Variants in ABHD12 observed in about 807,000 individuals in gnomAD.
The protein encoded by ABHD12 is lysophosphatidylserine lipase ABHD12.
In ABHD12, 43 loss-of-function variants were observed where a neutral mutation model predicts 58.3. The observed-to-expected ratio is 0.74, with a 90% CI of 0.58 to 0.95. The LOEUF is 0.95. Ranked by LOEUF, ABHD12 falls within the 40% of genes least tolerant of loss-of-function variation. The pLI, the probability that ABHD12 is intolerant of heterozygous loss-of-function variation, is 0.00. For missense variants in ABHD12, 539 were observed against 537.2 expected (o/e 1.00, Z -0.03); for synonymous variants, 219 against 211.2 (o/e 1.04, Z -0.32).
intron 1 of ABHD12, among the ~76,000 whole-genome samples, chr20:25,354,248 A>T (rs1198911912): frequency 6.6e-6 from 1 of 152,190 alleles, no homozygotes; most frequent in African/African-American, 2.4e-5. Flanking sequence ...TCTGGCCTGA[A>T]GGGCTGTTCC....
intron 2 of ABHD12, among the ~76,000 whole-genome samples, chr20:25,329,523 T>C (rs1449764049): frequency 1.3e-5 from 2 of 152,254 alleles, no homozygotes; most frequent in African/African-American, 2.4e-5. Context: ...GAATGGATCC[T>C]GCACACATGG....
At chr20:25,332,039 G>A (rs534255145) in intron 2 of ABHD12, among the ~76,000 whole-genome samples, 30 of 152,158 alleles carry the variant, frequency 2.0e-4, no homozygotes, top group Non-Finnish European at 4.1e-4. Flanking sequence ...AGACCCATCA[G>A]TGTGCTGTAT....
At chr20:25,298,393 G>A (rs900488876), downstream of ABHD12, among the ~76,000 whole-genome samples, 3 of 152,058 alleles carry the variant, frequency 2.0e-5, no homozygotes, top group South Asian at 4.2e-4. Flanking sequence ...AGCCTCCCGA[G>A]TAGCTGGCAT....
rs2088616858 is a variant in ABHD12, at chr20:25,300,583, C to T, written c.*262G>A. 5.6e-6 allele frequency: 8 copies of T among 1,428,242 alleles called. No homozygotes were observed. The highest frequency in any genetic ancestry group is 7.3e-6 in the Non-Finnish European group (8 of 1,095,332). The allele number at this position is 1,428,242 out of a possible 1,614,324, so 88.5% of individuals were successfully genotyped here. A position where few individuals can be genotyped will look rare whatever the true frequency, so the allele number is the denominator to read the frequency against. ...ATGGCTGCCTGCTGCCATTAAGTCT[C>T]CCAACAAGATCTCAGGTTGAGGGGC... On this transcript the variant is annotated 3_prime_UTR_variant, in exon 13 of 13. Coordinates refer to ENST00000339157, the MANE Select transcript of ABHD12 (RefSeq NM_001042472.3).
chr20:25,306,363 C>T (rs2088741382), intron 10 of ABHD12, among the ~76,000 whole-genome samples: 1 of 152,064 alleles, frequency 6.6e-6, no homozygotes, highest in African/African-American at 2.4e-5. Flanking sequence ...TCTTTACTTG[C>T]CCCCTGGCCC....
chr20:25,336,184 G>T (rs974745129), intron 2 of ABHD12, among the ~76,000 whole-genome samples: 2 of 152,044 alleles, frequency 1.3e-5, no homozygotes, highest in Non-Finnish European at 2.9e-5. Context: ...GTATTGAAAA[G>T]CACATATATT....
In ABHD12 at chr20:25,304,116, C is replaced by T. The variant is rs568786379; in HGVS notation, c.951-488G>A. Reference sequence around the variant, plus strand: ...GCAAACCACATAACAGAAGCATGGGCTGCCAGGACCGGCGGAGCCTGGGCT... The same window carrying T: ...GCAAACCACATAACAGAAGCATGGGTTGCCAGGACCGGCGGAGCCTGGGCT... On this transcript the variant is annotated intron_variant, in intron 10 of 12. Coordinates refer to ENST00000339157, the MANE Select transcript of ABHD12 (RefSeq NM_001042472.3). Among the ~76,000 whole-genome samples the T allele has an allele frequency of 1.5e-4, 23 of 152,374 alleles. 1 individual carries two copies. In the East Asian group the frequency reaches 4.2e-3, roughly 28 times the overall value.
intron 1 of ABHD12, among the ~76,000 whole-genome samples, chr20:25,362,396 G>A (rs2089761536): frequency 6.6e-6 from 1 of 151,278 alleles, no homozygotes; most frequent in African/African-American, 2.4e-5. Context: ...GTGAAACCCC[G>A]TGTCTACTAA....
At chr20:25,299,299 G>A (rs992750318), downstream of ABHD12, among the ~76,000 whole-genome samples, 1 of 152,132 alleles carries the variant, frequency 6.6e-6, no homozygotes, top group African/African-American at 2.4e-5. Flanking sequence ...TGGGAGGCAG[G>A]CTGAGGTGGG....
intron 1 of ABHD12, among the ~76,000 whole-genome samples, chr20:25,366,206 G>A (rs962655659): frequency 6.6e-6 from 1 of 150,646 alleles, no homozygotes; most frequent in African/African-American, 2.4e-5. Context: ...GCAAATATTT[G>A]TATTTTGTCA....
intron 3 of ABHD12, among the ~76,000 whole-genome samples, chr20:25,321,439 T>C (rs2145973776): frequency 6.6e-6 from 1 of 152,340 alleles, no homozygotes; most frequent in South Asian, 2.1e-4. Context: ...GATGAAGCGA[T>C]GGTGGGGGCA....
intron 10 of ABHD12, among the ~76,000 whole-genome samples, chr20:25,304,114 G>A (rs1425805938): frequency 2.0e-5 from 3 of 152,232 alleles, no homozygotes; most frequent in Non-Finnish European, 4.4e-5. Context: ...CAGAAGCATG[G>A]GCTGCCAGGA....
chr20:25,364,535 A>G (rs928371198), intron 1 of ABHD12, among the ~76,000 whole-genome samples: 117 of 152,170 alleles, frequency 7.7e-4, no homozygotes, highest in Non-Finnish European at 6.0e-4. Context: ...GGACCCAGCC[A>G]TTCATAAGGA....
chr20:25,386,914 G>A (rs1462834881), intron 1 of ABHD12, among the ~76,000 whole-genome samples: 1 of 151,992 alleles, frequency 6.6e-6, no homozygotes. Flanking sequence ...TGAATAAATA[G>A]AATCTGGCTA....
chr20:25,374,803 A>C (rs894853164), intron 1 of ABHD12, among the ~76,000 whole-genome samples: 5 of 152,152 alleles, frequency 3.3e-5, no homozygotes, highest in African/African-American at 1.2e-4. Context: ...CCCAGCCTAC[A>C]GTGTTTTAAT....
chr20:25,300,724 G>A lies in ABHD12; in HGVS notation c.*121C>T, dbSNP rs1355721956. 3 of 1,574,524 alleles carry A rather than the reference G, an allele frequency of 1.9e-6. No homozygotes were observed. The highest frequency in any genetic ancestry group is 1.4e-5 in the African/African-American group (1 of 73,872). On this transcript the variant is annotated 3_prime_UTR_variant, in exon 13 of 13. Coordinates refer to ENST00000339157, the MANE Select transcript of ABHD12 (RefSeq NM_001042472.3). ...CTGGGATCTGAGGTGCTCTCCAGGT[G>A]CGAGCTGGGCTCCTGAGCATTGCAG...
Position 25,368,713 on chromosome 20 carries a change from C to T in ABHD12, c.191+21800G>A, listed in dbSNP as rs919522387. On this transcript the variant is annotated intron_variant, in intron 1 of 12. Coordinates refer to ENST00000339157, the MANE Select transcript of ABHD12 (RefSeq NM_001042472.3). ...GTCTGCAAACAGGTTGAAGGAGACG[C>T]GGCCCAAGGGCTTGCCTTCGTCAGC... 8.5e-6 allele frequency: 11 copies of T among 1,287,488 alleles called. No individual in the cohort carries two copies. The East Asian group carries it at 1.2e-4, about 15-fold the overall frequency. 79.8% of individuals were successfully genotyped at this position (1,287,488 alleles called of 1,614,324 possible). A position where few individuals can be genotyped will look rare whatever the true frequency, so the allele number is the denominator to read the frequency against.
chr20:25,375,872 C>G (rs2089956347), intron 1 of ABHD12, among the ~76,000 whole-genome samples: 1 of 152,136 alleles, frequency 6.6e-6, no homozygotes, highest in Non-Finnish European at 1.5e-5. Flanking sequence ...CCTGTAATCC[C>G]AGCACTTTGG....
intron 1 of ABHD12, among the ~76,000 whole-genome samples, chr20:25,343,047 G>A (rs1222530006): frequency 6.6e-6 from 1 of 152,136 alleles, no homozygotes. Context: ...CACCTACCTT[G>A]GCCTCCCAAA....
Sources: gnomAD v4.1 joint callset for allele counts (sites outside exome capture counted in the v4.1 genomes callset) on GRCh38, gnomAD v4.1.1 for gene constraint, MANE v1.5 for transcripts, NCBI Gene and HGNC (gene_info 2026-07-23, HGNC 2026-07-21) for gene names.